RARB: variants seen among roughly 807,000 people sequenced by gnomAD.
RARB encodes the protein retinoic acid receptor beta, also known as HBV-activated protein.
In RARB, 17 loss-of-function variants were observed where a neutral mutation model predicts 51.9. The ratio of observed to expected loss-of-function variants is 0.33; its 90% CI spans 0.22 to 0.49. The LOEUF (loss-of-function observed/expected upper bound fraction) is 0.49, where lower values mean the gene tolerates loss of function less well. Ranked by LOEUF, RARB falls within the 20% of genes least tolerant of loss-of-function variation. The pLI, the probability that RARB is intolerant of heterozygous loss-of-function variation, is 0.99. For synonymous variants in RARB, 215 were observed against 195.4 expected (o/e 1.10, Z -0.84); for missense variants, 369 against 550.8 (o/e 0.67, Z 3.30).
At chr3:25,020,938 C>T (rs1289837921) in intron 2 of RARB, among the ~76,000 whole-genome samples, 1 of 152,146 alleles carries the variant, frequency 6.6e-6, no homozygotes, top group Admixed American at 6.5e-5. Flanking sequence ...CACTGCACTC[C>T]AGCCTGGCAA....
At chr3:25,449,935 A>G (rs1709119044) in intron 1 of RARB, among the ~76,000 whole-genome samples, 1 of 152,050 alleles carries the variant, frequency 6.6e-6, no homozygotes. Context: ...TATTTTTAGT[A>G]GAGATGGGGT....
Position 25,331,824 on chromosome 3 carries a change from A to G in RARB, c.179-129369A>G, listed in dbSNP as rs1273117256. ...GAGAGAAGAATCAAATAGACACAAT[A>G]AAAAATGATAAAGGGGATATCACCA... On this transcript the variant is annotated intron_variant, in intron 5 of 11. Coordinates refer to the RARB transcript ENST00000383772. Among the ~76,000 whole-genome samples, 5 of 152,234 alleles carry G rather than the reference A, an allele frequency of 3.3e-5. No individual in the cohort carries two copies. In the South Asian group the frequency reaches 8.3e-4, roughly 25 times the overall value.
At chr3:25,187,116 G>A (rs1234380030) in intron 5 of RARB, among the ~76,000 whole-genome samples, 1 of 151,958 alleles carries the variant, frequency 6.6e-6, no homozygotes, top group Non-Finnish European at 1.5e-5. Flanking sequence ...CTCTTATTGG[G>A]AGGGAACCTC....
At chr3:25,399,832 C>T (rs1707217009) in intron 5 of RARB, among the ~76,000 whole-genome samples, 1 of 152,142 alleles carries the variant, frequency 6.6e-6, no homozygotes, top group Admixed American at 6.6e-5. Flanking sequence ...AGCAAGTCTC[C>T]CATAAGCTAT....
chr3:24,832,296 C>A (rs1388114560), intron 1 of RARB, among the ~76,000 whole-genome samples: 1 of 151,958 alleles, frequency 6.6e-6, no homozygotes, highest in Non-Finnish European at 1.5e-5. Flanking sequence ...CCTTCCCATA[C>A]AAATATGCTG....
At chr3:25,248,200 T>G (rs950270355) in intron 5 of RARB, among the ~76,000 whole-genome samples, 1 of 152,208 alleles carries the variant, frequency 6.6e-6, no homozygotes, top group African/African-American at 2.4e-5. Flanking sequence ...TCCTGCTCAT[T>G]TGTGGTTTTC....
intron 3 of RARB, among the ~76,000 whole-genome samples, chr3:25,528,036 T>A (rs1486176156): frequency 6.6e-6 from 1 of 152,186 alleles, no homozygotes; most frequent in Non-Finnish European, 1.5e-5. Flanking sequence ...AGGAAAATGC[T>A]TGCCAAACAC....
At chr3:25,120,755 C>G (rs1699771397) in intron 3 of RARB, among the ~76,000 whole-genome samples, 1 of 152,140 alleles carries the variant, frequency 6.6e-6, no homozygotes, top group Non-Finnish European at 1.5e-5. Flanking sequence ...ACGGAGACTT[C>G]ATAAGCAATA....
At chr3:25,205,543 G>C (rs935518287) in intron 5 of RARB, among the ~76,000 whole-genome samples, 1 of 152,014 alleles carries the variant, frequency 6.6e-6, no homozygotes, top group Non-Finnish European at 1.5e-5. Flanking sequence ...GACTGGAGCT[G>C]TTCGTATTCG....
At chr3:25,146,158 T>C (rs992142338) in intron 4 of RARB, among the ~76,000 whole-genome samples, 1 of 152,222 alleles carries the variant, frequency 6.6e-6, no homozygotes, top group Non-Finnish European at 1.5e-5. Context: ...GGTTTTCTTC[T>C]TGGTAAAATG....
chr3:25,131,841 C>T (rs1325445672), intron 3 of RARB, among the ~76,000 whole-genome samples: 1 of 151,694 alleles, frequency 6.6e-6, no homozygotes. Context: ...AAATACCAAG[C>T]TGAGAAGTTT....
At chr3:24,886,809 A>C (rs1206314085) in intron 2 of RARB, among the ~76,000 whole-genome samples, 1 of 152,190 alleles carries the variant, frequency 6.6e-6, no homozygotes, top group African/African-American at 2.4e-5. Flanking sequence ...TAAAGGCAGT[A>C]ATGTAAAAGA....
At chr3:25,036,300 C>A (rs1697992847) in intron 2 of RARB, among the ~76,000 whole-genome samples, 1 of 152,084 alleles carries the variant, frequency 6.6e-6, no homozygotes, top group Non-Finnish European at 1.5e-5. Flanking sequence ...ATGAAACTCT[C>A]ACAAAGCCAT....
At chr3:25,031,343 G>A (rs1697870628) in intron 2 of RARB, among the ~76,000 whole-genome samples, 1 of 152,166 alleles carries the variant, frequency 6.6e-6, no homozygotes, top group South Asian at 2.1e-4. Flanking sequence ...TTAAGAAACA[G>A]AAACATAGAG....
At chr3:25,290,432 A>T (rs1703758643) in intron 5 of RARB, among the ~76,000 whole-genome samples, 1 of 152,118 alleles carries the variant, frequency 6.6e-6, no homozygotes, top group Non-Finnish European at 1.5e-5. Flanking sequence ...AGCCTCCAGA[A>T]CCATGAGAAA....
rs529292657 is a variant in RARB at position 25,130,519 on chromosome 3, C to A, written c.-327-1642C>A. Among the ~76,000 whole-genome samples the A allele has an allele frequency of 2.0e-5, 3 of 151,690 alleles. No homozygotes were observed. The East Asian group carries it at 5.8e-4, about 30-fold the overall frequency. On this transcript the variant is annotated intron_variant, in intron 3 of 11. Coordinates refer to the RARB transcript ENST00000383772. ...AATAGTGGCCAGATTAGTAATGGAC[C>A]ACCTTGTATTTACTCTCTTTCCTTC... is the stretch of plus-strand genomic sequence containing the variant.
intron 4 of RARB, among the ~76,000 whole-genome samples, chr3:25,159,154 CTTTTTTTTT>C (rs397874262): frequency 1.5e-5 from 1 of 65,304 alleles, no homozygotes; most frequent in East Asian, 5.1e-4. Context: ...TCCAAATTGT[CTTTTTTTTT>C]TTTTTTTTTT....
chr3:25,264,408 A>T (rs973820013), intron 5 of RARB, among the ~76,000 whole-genome samples: 1 of 152,178 alleles, frequency 6.6e-6, no homozygotes, highest in Non-Finnish European at 1.5e-5. Flanking sequence ...GTCTCCAGCA[A>T]AACCTTGAAC....
intron 5 of RARB, among the ~76,000 whole-genome samples, chr3:25,294,034 G>A (rs1416133315): frequency 6.6e-6 from 1 of 152,108 alleles, no homozygotes; most frequent in Non-Finnish European, 1.5e-5. Flanking sequence ...CTTCGGAGGA[G>A]GTAAGGAGGG....
Sources: allele counts gnomAD v4.1 joint callset (sites outside exome capture counted in the v4.1 genomes callset), GRCh38; gene constraint gnomAD v4.1.1; transcripts MANE v1.5; gene names NCBI Gene and HGNC (gene_info 2026-07-23, HGNC 2026-07-21).